The following PSG2 variants were observed in gnomAD, a reference collection of about 807,000 sequenced individuals.
PSG2 encodes pregnancy-specific beta-1-glycoprotein 2.
PSG2 carries 49 observed loss-of-function variants against 36.2 expected under a neutral mutation model. The observed-to-expected ratio is 1.35, with a 90% CI of 1.08 to 1.72. The LOEUF (loss-of-function observed/expected upper bound fraction) is 1.72, where lower values mean the gene tolerates loss of function less well. Ranked by LOEUF, PSG2 falls within the 40% of genes most tolerant of loss-of-function variation. The probability of loss-of-function intolerance (pLI) is 0.00; values close to 1 mark genes in which losing one functional copy is unlikely to be tolerated. For synonymous variants in PSG2, 261 were observed against 155.6 expected, an observed-to-expected ratio of 1.68 and a Z score of -5.04; for missense variants, 605 against 407.2, an observed-to-expected ratio of 1.49 and a Z score of -4.18.
rs1967881115 is a variant in PSG2 at position 43,075,488 on chromosome 19, C to T, written c.575G>A (p.Arg192Lys). The change falls in exon 3 of 6, where the codon AGG becomes AAG. Residue 192 changes from arginine (R) to lysine (K), a missense_variant. Coordinates refer to ENST00000406487, the MANE Select transcript of PSG2 (RefSeq NM_031246.4). The stretch of plus-strand genomic sequence containing the variant: ...CCTGTTGGTTTCGGACAGCTGAAAC[C>T]TATGAGTCATAGGGAGGCTCTGACC... ...MNGQSLPMTH[R>K]FQLSETNRTL... 1.9e-6 allele frequency: 3 copies of T among 1,613,070 alleles called. No homozygotes were observed. Among genetic ancestry groups the T allele is most frequent in the Admixed American group, 3.3e-5 (2 of 59,928 alleles).
intron 2 of PSG2, 80 bp downstream of exon 2, chr19:43,080,801 C>G (rs945700210): frequency 5.0e-6 from 8 of 1,610,840 alleles, no homozygotes; most frequent in African/African-American, 2.7e-5. Flanking sequence ...CAGGCACAGT[C>G]TAGGCCTGAC....
At chr19:43,075,209 G>A in intron 3 of PSG2, 145 bp downstream of exon 3, 1 of 1,552,092 alleles carries the variant, frequency 6.4e-7, no homozygotes, top group Non-Finnish European at 8.8e-7. Flanking sequence ...ATTCTGGTTT[G>A]CCTGGGGCAG....
At chr19:43,067,070 C>G (rs562753361) in intron 4 of PSG2, among the ~76,000 whole-genome samples, 58 of 151,600 alleles carry the variant, frequency 3.8e-4, no homozygotes, top group Admixed American at 3.9e-4. Flanking sequence ...AGGCTCCCAG[C>G]AAGGGTGTGA....
chr19:43,068,303 T>G (rs1020284969), intron 4 of PSG2, among the ~76,000 whole-genome samples: 8 of 151,284 alleles, frequency 5.3e-5, no homozygotes, highest in Admixed American at 1.3e-4. Context: ...GCTGGGCATG[T>G]TGACATGCAC....
intron 3 of PSG2, chr19:43,072,238 G>T: frequency 6.6e-7 from 1 of 1,511,424 alleles, no homozygotes; most frequent in Non-Finnish European, 8.9e-7. Flanking sequence ...TGGCCAGCTT[G>T]GATGTCCAGA....
intron 3 of PSG2, among the ~76,000 whole-genome samples, chr19:43,074,411 C>A (rs1316053050): frequency 6.6e-6 from 1 of 151,618 alleles, no homozygotes; most frequent in Admixed American, 6.6e-5. Flanking sequence ...ATCATTTGAC[C>A]TTTTTGGTTA....
chr19:43,065,572 G>C (rs1967728674), intron 5 of PSG2: 1 of 151,530 alleles, frequency 6.6e-6, no homozygotes, highest in South Asian at 2.1e-4. Context: ...CCAATGTGTA[G>C]CTCTATTTCC....
chr19:43,066,134 G>T (rs1317026443), intron 5 of PSG2, among the ~76,000 whole-genome samples: 7 of 151,732 alleles, frequency 4.6e-5, no homozygotes, highest in Non-Finnish European at 8.8e-5. Context: ...GCAATCATAT[G>T]CAAGGAAGAT....
At chr19:43,073,115 G>T (rs868083007) in intron 3 of PSG2, among the ~76,000 whole-genome samples, 14 of 151,628 alleles carry the variant, frequency 9.2e-5, no homozygotes, top group African/African-American at 2.4e-4. Flanking sequence ...AAGATACTGA[G>T]CAGCCTGGCC....
chr19:43,075,939 A>C, intron 2 of PSG2, among the ~76,000 whole-genome samples: 1 of 151,514 alleles, frequency 6.6e-6, no homozygotes, highest in East Asian at 1.9e-4. Context: ...TCCATCTCGA[A>C]GTGCCTGCCT....
chr19:43,075,876 C>T (rs540910428), intron 2 of PSG2, among the ~76,000 whole-genome samples: 1 of 151,624 alleles, frequency 6.6e-6, no homozygotes, highest in African/African-American at 2.4e-5. Flanking sequence ...AGCATTGGGT[C>T]ATGGAAAGAC....
chr19:43,079,900 T>C (rs538848214), intron 2 of PSG2, among the ~76,000 whole-genome samples: 6 of 151,786 alleles, frequency 4.0e-5, no homozygotes, highest in Admixed American at 2.0e-4. Flanking sequence ...CATGTGACCC[T>C]GATCTCCCCT....
At chr19:43,082,323 G>A (rs1967992204) in intron 1 of PSG2, 183 bp downstream of exon 1, 1 of 903,704 alleles carries the variant, frequency 1.1e-6, no homozygotes, top group Non-Finnish European at 1.6e-6. Flanking sequence ...TGTATTTTTA[G>A]TAGAGACAGG....
chr19:43,068,551 A>C (rs1967774334), intron 4 of PSG2, among the ~76,000 whole-genome samples: 1 of 151,676 alleles, frequency 6.6e-6, no homozygotes. Context: ...ACTATAAATA[A>C]TTGTATGCCA....
At chr19:43,080,723 G>A (rs1967958955) in intron 2 of PSG2, among the ~76,000 whole-genome samples, 158 bp downstream of exon 2, 3 of 151,724 alleles carry the variant, frequency 2.0e-5, no homozygotes, top group South Asian at 2.1e-4. Context: ...GTTGAAATGT[G>A]TCTCCTCTGT....
rs766178081 is a variant in PSG2, at chr19:43,075,348, A to G, written c.709+6T>C. 3.1e-5 allele frequency: 50 copies of G among 1,613,048 alleles called. 1 individual carries two copies. The highest frequency in any genetic ancestry group is 4.0e-5 in the Non-Finnish European group (47 of 1,179,610). ...TCTGGCCCACAGAGGAACAGAAGATACTCACGGAGGAGATTCAGGGTGACT... is the reference window on the plus strand; with the variant it reads ...TCTGGCCCACAGAGGAACAGAAGATGCTCACGGAGGAGATTCAGGGTGACT... On this transcript the variant is annotated splice_donor_region_variant and intron_variant, in intron 3 of 5. Transcript: ENST00000406487.
Position 43,075,233 on chromosome 19 carries a change from G to C in PSG2, c.709+121C>G, listed in dbSNP as rs1967875725. On this transcript the variant is annotated intron_variant, in intron 3 of 5. Transcript: ENST00000406487. ...TGCCTGGGGCAGAAAGTCATGGCCA[G>C]CTTTGATGCCTAGGGGTAAAGGTCT... The C allele has an allele frequency of 2.1e-5, 34 of 1,596,746 alleles. No individual in the cohort carries two copies. The South Asian group carries it at 3.6e-4, about 17-fold the overall frequency.
chr19:43,074,256 G>T lies in PSG2; in HGVS notation c.709+1098C>A, dbSNP rs574737617. Among the ~76,000 whole-genome samples the T allele has an allele frequency of 2.2e-4, 33 of 151,602 alleles. No homozygotes were observed. In the South Asian group the frequency reaches 6.4e-3, roughly 30 times the overall value. On this transcript the variant is annotated intron_variant, in intron 3 of 5. Coordinates refer to ENST00000406487, the MANE Select transcript of PSG2 (RefSeq NM_031246.4). ...AAATGTTACTGTGATTCTGGGAGGG[G>T]TTGCATTGAATCTGCAACTCACTTT...
At position 43,078,562 on chromosome 19, in the gene PSG2, G is replaced by T. The variant is rs377405655; in HGVS notation, c.430+2319C>A. On this transcript the variant is annotated intron_variant, in intron 2 of 5. Transcript: ENST00000406487. The stretch of plus-strand genomic sequence containing the variant: ...AGTCATGTGGTCCCTACCTAGAGGC[G>T]GATTCCAGCACAAACTGATCATTTC... Among the ~76,000 whole-genome samples the T allele has an allele frequency of 1.6e-4, 24 of 151,584 alleles. 1 individual carries two copies. The East Asian group carries it at 3.1e-3, about 20-fold the overall frequency.
Sources: allele counts gnomAD v4.1 joint callset (sites outside exome capture counted in the v4.1 genomes callset), GRCh38; gene constraint gnomAD v4.1.1; transcripts MANE v1.5; gene names NCBI Gene and HGNC (gene_info 2026-07-23, HGNC 2026-07-21).